XBP1: variants seen among roughly 807,000 people sequenced by gnomAD.
The protein encoded by XBP1 is X-box-binding protein 1.
XBP1 carries 18 observed loss-of-function variants against 34.6 expected under a neutral mutation model. That is an observed-to-expected ratio of 0.52 (90% confidence interval 0.36 to 0.77). The LOEUF (loss-of-function observed/expected upper bound fraction) is 0.77. Ranked by LOEUF, XBP1 falls within the 30% of genes least tolerant of loss-of-function variation. The pLI is 0.00. For synonymous variants in XBP1, 191 were observed against 193.4 expected (o/e 0.99, Z 0.11); for missense variants, 422 against 464.6 (o/e 0.91, Z 0.84).
upstream of XBP1, chr22:28,800,545 G>A (rs1031432952): frequency 1.2e-5 from 17 of 1,473,468 alleles, no homozygotes; most frequent in Admixed American, 1.3e-4. Context: ...TACGCACCGC[G>A]CACCGCGCGC....
chr22:28,796,996 C>A, intron 3 of XBP1, 81 bp downstream of exon 3: 2 of 1,506,908 alleles, frequency 1.3e-6, no homozygotes, highest in Non-Finnish European at 1.8e-6. Flanking sequence ...GATCAGAAGT[C>A]CAGACTGTAA....
upstream of XBP1, chr22:28,800,556 C>G (rs761040276): frequency 4.5e-5 from 66 of 1,469,608 alleles, no homozygotes; most frequent in East Asian, 1.4e-3. Flanking sequence ...CACCGCGCGC[C>G]GCAGCCGCCC....
chr22:28,798,984 G>T, intron 2 of XBP1, 73 bp downstream of exon 2: 1 of 1,262,390 alleles, frequency 7.9e-7, no homozygotes. Flanking sequence ...CTTGGGATGG[G>T]AAGCAAATAT....
At chr22:28,800,494 C>A (rs1347318013) in exon 1 of XBP1, 7 of 1,486,230 alleles carry the variant, frequency 4.7e-6, no homozygotes, top group Non-Finnish European at 6.2e-6. Context: ...GTCCCGTCGG[C>A]CGGGTTCGGC....
At position 28,798,939 on chromosome 22, in the gene XBP1, T is replaced by C. The variant is rs77612100; in HGVS notation, c.324+118A>G. ...CCCAGCCTAGTTTAACTTTTAATCA[T>C]ATATTCAATTGTATTCTAATAGGGG... On this transcript the variant is annotated intron_variant, in intron 2 of 5. Coordinates refer to ENST00000344347, the Ensembl canonical transcript of XBP1. 3.6e-3 allele frequency: 2,794 copies of C among 770,568 alleles called. 59 individuals carry two copies. The African/African-American group carries it at 0.044, about 12-fold the overall frequency. 47.7% of individuals were successfully genotyped at this position (770,568 alleles called of 1,614,324 possible). A position where few individuals can be genotyped will look rare whatever the true frequency, so the allele number is the denominator to read the frequency against.
At chr22:28,796,304 T>C in intron 3 of XBP1, 112 bp from the exon 4 acceptor site, 1 of 1,006,468 alleles carries the variant, frequency 9.9e-7, no homozygotes, top group Non-Finnish European at 1.4e-6. Context: ...ATTCTAGGGT[T>C]AAATTGCTAT....
chr22:28,797,013 T>TC, intron 3 of XBP1, 64 bp downstream of exon 3: 1 of 1,540,098 alleles, frequency 6.5e-7, no homozygotes, highest in Non-Finnish European at 8.7e-7. Flanking sequence ...GTAAACATAA[T>TC]CGCTGGGTCA....
At chr22:28,799,949 G>A (rs2031836947) in intron 1 of XBP1, 1 of 779,098 alleles carries the variant, frequency 1.3e-6, no homozygotes, top group African/African-American at 1.7e-5. Context: ...AACCAAAACA[G>A]ATTATTCGAC....
downstream of XBP1, chr22:28,794,948 A>G (rs2031715984): frequency 2.5e-6 from 1 of 398,110 alleles, no homozygotes; most frequent in South Asian, 1.1e-4. Flanking sequence ...GTAGTTCTCA[A>G]TTATAGTAAT....
At chr22:28,799,988 C>G (rs924321545) in intron 1 of XBP1, 2 of 779,520 alleles carry the variant, frequency 2.6e-6, no homozygotes, top group Non-Finnish European at 4.8e-6. Flanking sequence ...GGCTGAACCA[C>G]CAGTCTGCGG....
At chr22:28,795,342 A>G (rs1601436290) in exon 6 of XBP1, 1 of 1,551,972 alleles carries the variant, frequency 6.4e-7, no homozygotes, top group East Asian at 2.4e-5. Flanking sequence ...CAGTGGCTGG[A>G]TGAAAGCAGA....
In XBP1 at chr22:28,798,302, C is replaced by CTTTTTTTTTTTTTTTTTTTT. The variant is rs71316865; in HGVS notation, c.324+754_324+755insAAAAAAAAAAAAAAAAAAAA. 4.1e-5 allele frequency among the ~76,000 whole-genome samples: 5 copies of CTTTTTTTTTTTTTTTTTTTT among 123,388 alleles called. 1 individual carries two copies. The highest frequency in any genetic ancestry group is 1.3e-4 in the African/African-American group (4 of 30,238). The allele number at this position is 123,388 out of a possible 152,430, so 80.9% of individuals were successfully genotyped here. A position where few individuals can be genotyped will look rare whatever the true frequency, so the allele number is the denominator to read the frequency against. On this transcript the variant is annotated intron_variant, in intron 2 of 5. Transcript: ENST00000344347. ...AACTCTCTGTCCTAACTTAGATTAA[C>CTTTTTTTTTTTTTTTTTTTT]TTTTTTTTTTTTTTTGAGACAGGGT...
intron 3 of XBP1, 171 bp downstream of exon 3, chr22:28,796,906 T>C: frequency 2.9e-6 from 2 of 688,922 alleles, no homozygotes; most frequent in South Asian, 2.2e-5. Flanking sequence ...AAAAAATGAG[T>C]GTCAAGTGCC....
exon 1 of XBP1, chr22:28,800,358 G>GGCA: frequency 1.3e-6 from 2 of 1,545,620 alleles, no homozygotes; most frequent in East Asian, 5.1e-5. Context: ...GCGCGCCTGG[G>GGCA]GCAGCCCCCC....
chr22:28,799,919 C>T lies in XBP1; in HGVS notation c.227+379G>A, dbSNP rs141599497. ...ACAGCTCTGTTATTTCAGCTCCGCG[C>T]CTCTCCAGAAATAGCAGTAAACCAA... On this transcript the variant is annotated intron_variant, in intron 1 of 5. Coordinates refer to ENST00000344347, the Ensembl canonical transcript of XBP1. 290 of 773,656 alleles carry T rather than the reference C, an allele frequency of 3.7e-4. No homozygotes were observed. In the African/African-American group the frequency reaches 4.4e-3, roughly 12 times the overall value. 47.9% of individuals were successfully genotyped at this position (773,656 alleles called of 1,614,324 possible). A position where few individuals can be genotyped will look rare whatever the true frequency, so the allele number is the denominator to read the frequency against.
intron 1 of XBP1, 52 bp downstream of exon 1, chr22:28,800,246 T>TG: frequency 6.5e-7 from 1 of 1,528,764 alleles, no homozygotes. Context: ...CCCCTGCCCC[T>TG]GTCCCTAGTC....
At chr22:28,796,245 T>C (rs1031054494) in intron 3 of XBP1, 53 bp from the exon 4 acceptor site, 2 of 1,472,574 alleles carry the variant, frequency 1.4e-6, no homozygotes, top group African/African-American at 1.4e-5. Context: ...AAGGAAATGC[T>C]TGCTAGACAG....
chr22:28,799,293 C>A, intron 1 of XBP1, 140 bp from the exon 2 acceptor site: 1 of 614,334 alleles, frequency 1.6e-6, no homozygotes, highest in Non-Finnish European at 2.8e-6. Context: ...CAGGCTCCTC[C>A]CCTCAATAAA....
At chr22:28,795,804 A>C in intron 5 of XBP1, 72 bp from the exon 6 acceptor site, 1 of 1,455,024 alleles carries the variant, frequency 6.9e-7, no homozygotes, top group Non-Finnish European at 9.2e-7. Flanking sequence ...AACACTTTGT[A>C]CTGGGTTCCA....
Sources: allele counts gnomAD v4.1 joint callset (sites outside exome capture counted in the v4.1 genomes callset), GRCh38; gene constraint gnomAD v4.1.1; transcripts MANE v1.5; gene names NCBI Gene and HGNC (gene_info 2026-07-23, HGNC 2026-07-21).